The following GALNT13 variants were observed in gnomAD, a reference collection of about 807,000 sequenced individuals.
The protein encoded by GALNT13 is polypeptide N-acetylgalactosaminyltransferase 13, also known as UDP-GalNAc:polypeptide N-acetylgalactosaminyltransferase 13.
Under a neutral mutation model 64.2 loss-of-function variants are expected in GALNT13, and 28 were observed. That is an observed-to-expected ratio of 0.44 (90% CI 0.32 to 0.60). GALNT13 has a LOEUF of 0.60. GALNT13 is among the 20% of genes least tolerant of loss of function. The probability of loss-of-function intolerance (pLI) is 0.05; values close to 1 mark genes in which losing one functional copy is unlikely to be tolerated. For missense variants in GALNT13, 577 were observed against 669.8 expected (o/e 0.86, Z 1.53); for synonymous variants, 214 against 224.6 (o/e 0.95, Z 0.42).
the GALNT13 span, among the ~76,000 whole-genome samples, chr2:153,678,979 A>C: frequency 2.0e-5 from 3 of 152,082 alleles, no homozygotes; most frequent in African/African-American, 4.8e-5. Flanking sequence ...ATTCCATTGG[A>C]TCTCTCCTTC....
rs13002037 is a variant in GALNT13 at position 154,145,106 on chromosome 2, A to C, written c.311+4601A>C. On this transcript the variant is annotated intron_variant, in intron 4 of 12. Transcript: ENST00000392825. Reference sequence around the variant, plus strand: ...TATCTATCTATCTATCTATCTATATATATATATATATATACACACACTAAA... The same window carrying C: ...TATCTATCTATCTATCTATCTATATCTATATATATATATACACACACTAAA... Among the ~76,000 whole-genome samples, 1,260 of 141,528 alleles carry C rather than the reference A, an allele frequency of 8.9e-3. 11 individuals are homozygous for C. The highest frequency in any genetic ancestry group is 0.016 in the African/African-American group (618 of 39,550). 92.8% of individuals were successfully genotyped at this position (141,528 alleles called of 152,430 possible). A position where few individuals can be genotyped will look rare whatever the true frequency, so the allele number is the denominator to read the frequency against.
chr2:153,855,728 C>A, the GALNT13 span, among the ~76,000 whole-genome samples: 2 of 152,204 alleles, frequency 1.3e-5, no homozygotes, highest in African/African-American at 4.8e-5. Context: ...CAATTTCACT[C>A]CTAGGTATAT....
At chr2:153,858,114 T>A in the GALNT13 span, among the ~76,000 whole-genome samples, 3 of 152,180 alleles carry the variant, frequency 2.0e-5, no homozygotes, top group African/African-American at 4.8e-5. Flanking sequence ...AATTAGGTGA[T>A]CTTAAATTAA....
At chr2:154,314,024 A>G (rs1361131611) in intron 9 of GALNT13, among the ~76,000 whole-genome samples, 1 of 152,182 alleles carries the variant, frequency 6.6e-6, no homozygotes, top group Non-Finnish European at 1.5e-5. Context: ...TCAAATTGGT[A>G]CAAATGATCA....
At chr2:153,800,947 T>C in the GALNT13 span, among the ~76,000 whole-genome samples, 1 of 152,236 alleles carries the variant, frequency 6.6e-6, no homozygotes, top group Non-Finnish European at 1.5e-5. Flanking sequence ...CTACAGCTTC[T>C]CCATCAGCAC....
At chr2:154,196,927 TACTATTA>T (rs1171034934) in intron 4 of GALNT13, among the ~76,000 whole-genome samples, 2 of 152,226 alleles carry the variant, frequency 1.3e-5, no homozygotes, top group African/African-American at 4.8e-5. Context: ...GATTGGTTTT[TACTATTA>T]TTATATGTGT....
intron 1 of GALNT13, among the ~76,000 whole-genome samples, chr2:153,898,496 T>G (rs1201852270): frequency 6.6e-6 from 1 of 152,132 alleles, no homozygotes; most frequent in African/African-American, 2.4e-5. Context: ...GTGTTTAATG[T>G]ATCATAATTA....
At chr2:153,619,752 T>C in the GALNT13 span, among the ~76,000 whole-genome samples, 1 of 152,172 alleles carries the variant, frequency 6.6e-6, no homozygotes, top group Admixed American at 6.6e-5. Context: ...TTCAGCACTT[T>C]ATATGTGTCA....
At chr2:153,086,161 A>G in the GALNT13 span, among the ~76,000 whole-genome samples, 1 of 152,192 alleles carries the variant, frequency 6.6e-6, no homozygotes, top group African/African-American at 2.4e-5. Context: ...TCTGGGAAGT[A>G]ACTAACTTGC....
intron 9 of GALNT13, among the ~76,000 whole-genome samples, chr2:154,391,143 G>T (rs950365791): frequency 1.3e-5 from 2 of 152,060 alleles, no homozygotes; most frequent in African/African-American, 2.4e-5. Context: ...GGCCTTTGTT[G>T]TATGGTAGCC....
At chr2:153,468,020 A>C in the GALNT13 span, among the ~76,000 whole-genome samples, 6 of 151,998 alleles carry the variant, frequency 3.9e-5, no homozygotes, top group Admixed American at 3.9e-4. Context: ...GAAACGCAGG[A>C]GTATTAAAAC....
At chr2:153,596,694 C>T in the GALNT13 span, among the ~76,000 whole-genome samples, 1 of 151,750 alleles carries the variant, frequency 6.6e-6, no homozygotes, top group African/African-American at 2.4e-5. Context: ...AAAATATGCA[C>T]ATAATGCTGG....
chr2:154,106,620 T>C (rs1410708038), intron 3 of GALNT13, among the ~76,000 whole-genome samples: 2 of 151,850 alleles, frequency 1.3e-5, no homozygotes, highest in Non-Finnish European at 2.9e-5. Flanking sequence ...ATTATAGATT[T>C]ATAGATTATT....
At chr2:153,196,531 C>T in the GALNT13 span, among the ~76,000 whole-genome samples, 2 of 152,080 alleles carry the variant, frequency 1.3e-5, no homozygotes, top group African/African-American at 4.8e-5. Context: ...GGCAAAGGGC[C>T]CTTCCTGGGC....
chr2:154,157,871 T>A (rs2105653215), intron 4 of GALNT13, among the ~76,000 whole-genome samples: 1 of 152,324 alleles, frequency 6.6e-6, no homozygotes, highest in Admixed American at 6.5e-5. Context: ...CTTTTTGAAA[T>A]AAATTTTTCA....
intron 3 of GALNT13, among the ~76,000 whole-genome samples, chr2:154,124,280 G>A (rs527366169): frequency 2.0e-5 from 3 of 152,034 alleles, no homozygotes; most frequent in Admixed American, 6.5e-5. Context: ...AGAGAGATAT[G>A]TCCTTAGGTT....
chr2:153,817,996 A>C, the GALNT13 span, among the ~76,000 whole-genome samples: 1 of 152,168 alleles, frequency 6.6e-6, no homozygotes, highest in Non-Finnish European at 1.5e-5. Flanking sequence ...CTTCAGGTGT[A>C]TCATCTAAGA....
chr2:153,562,060 C>CTCTCTCTGTGTG, the GALNT13 span, among the ~76,000 whole-genome samples: 4 of 118,902 alleles, frequency 3.4e-5, no homozygotes, highest in African/African-American at 1.5e-4. Context: ...CTCTCTCTCT[C>CTCTCTCTGTGTG]TGTGTGTGTG....
intron 4 of GALNT13, among the ~76,000 whole-genome samples, chr2:154,141,873 A>T (rs1303429988): frequency 5.9e-5 from 9 of 152,214 alleles, no homozygotes; most frequent in Non-Finnish European, 1.3e-4. Flanking sequence ...ATGTTGAAAA[A>T]TTCAACTTTT....
Sources: allele counts gnomAD v4.1 joint callset (sites outside exome capture counted in the v4.1 genomes callset), GRCh38; gene constraint gnomAD v4.1.1; transcripts MANE v1.5; gene names NCBI Gene and HGNC (gene_info 2026-07-23, HGNC 2026-07-21).